VPS13D: variants seen among roughly 807,000 people sequenced by gnomAD.
VPS13D encodes intermembrane lipid transfer protein VPS13D.
VPS13D carries 187 observed loss-of-function variants against 461.9 expected under a neutral mutation model. That is an observed-to-expected ratio of 0.40 (90% CI 0.36 to 0.46). The LOEUF (loss-of-function observed/expected upper bound fraction) is 0.46, where lower values mean the gene tolerates loss of function less well. VPS13D is among the 20% of genes least tolerant of loss of function. The pLI, the probability that VPS13D is intolerant of heterozygous loss-of-function variation, is 0.60. For missense variants in VPS13D, 4,711 were observed against 5,364.9 expected, an observed-to-expected ratio of 0.88 and a Z score of 3.81; for synonymous variants, 1,951 against 1,986.3, an observed-to-expected ratio of 0.98 and a Z score of 0.47.
chr1:12,288,137 A>G (rs544890663), intron 21 of VPS13D, 86 bp from the exon 22 acceptor site: 1 of 1,178,308 alleles, frequency 8.5e-7, no homozygotes, highest in East Asian at 2.4e-5. Context: ...GCCTTTTTGC[A>G]TTTTCCTTGA....
At chr1:12,300,729 T>C (rs1176929922) in intron 25 of VPS13D, among the ~76,000 whole-genome samples, 1 of 152,178 alleles carries the variant, frequency 6.6e-6, no homozygotes, top group Admixed American at 6.5e-5. Context: ...TGGAAACACC[T>C]AGTAATTCAC....
chr1:12,290,554 C>T (rs990778458), intron 22 of VPS13D, among the ~76,000 whole-genome samples: 1 of 152,016 alleles, frequency 6.6e-6, no homozygotes. Context: ...AACCCCGTCT[C>T]TACTAAAAAT....
chr1:12,301,350 A>ACTAG (rs1285502621), intron 25 of VPS13D, among the ~76,000 whole-genome samples: 1 of 152,226 alleles, frequency 6.6e-6, no homozygotes, highest in Non-Finnish European at 1.5e-5. Flanking sequence ...TGTCTGACAG[A>ACTAG]CTAGCTATAA....
At position 12,261,227 on chromosome 1, in the gene VPS13D, A is replaced by AT; in HGVS notation, c.1414+81dup. On this transcript the variant is annotated intron_variant, in intron 12 of 69. Transcript: ENST00000620676. ...TGCAACAGCTTGTGGTATTTTTCAA[A>AT]TTTAACAAAAGTAGATATTTGGAGA... The AT allele has an allele frequency of 1.9e-6, 3 of 1,544,196 alleles. No individual in the cohort carries two copies. The African/African-American group carries it at 4.1e-5, about 21-fold the overall frequency.
In VPS13D at chr1:12,382,906, A is replaced by G. The variant is rs1476038704; in HGVS notation, c.11191-70A>G. The G allele has an allele frequency of 4.9e-6, 7 of 1,417,526 alleles. No individual in the cohort carries two copies. In the Admixed American group the frequency reaches 6.4e-5, roughly 13 times the overall value. The allele number at this position is 1,417,526 out of a possible 1,614,324, so 87.8% of individuals were successfully genotyped here. A position where few individuals can be genotyped will look rare whatever the true frequency, so the allele number is the denominator to read the frequency against. On this transcript the variant is annotated intron_variant, in intron 57 of 69. Transcript: ENST00000620676. ...ATGTAAATTTAGGAACTTGTTTGAA[A>G]TGATGTGTTAACTTGTCAAAGTCAG... is the stretch of plus-strand genomic sequence containing the variant.
At chr1:12,460,463 A>T (rs981458378) in intron 67 of VPS13D, 67 bp downstream of exon 67, 29 of 1,394,794 alleles carry the variant, frequency 2.1e-5, no homozygotes, top group Non-Finnish European at 1.9e-5. Context: ...CCTAATCCAT[A>T]CTGATGTGTT....
At chr1:12,490,229 A>T (rs1645858127) in intron 67 of VPS13D, among the ~76,000 whole-genome samples, 1 of 152,154 alleles carries the variant, frequency 6.6e-6, no homozygotes, top group South Asian at 2.1e-4. Flanking sequence ...TTGGATCCTT[A>T]GTCAGTAATT....
chr1:12,238,527 T>C (rs1259234885), intron 2 of VPS13D, among the ~76,000 whole-genome samples: 1 of 151,824 alleles, frequency 6.6e-6, no homozygotes, highest in Non-Finnish European at 1.5e-5. Context: ...ACCTCAAAAA[T>C]TGAGAAACTA....
At chr1:12,379,657 T>G in intron 57 of VPS13D, 61 bp downstream of exon 57, 1 of 1,262,744 alleles carries the variant, frequency 7.9e-7, no homozygotes, top group East Asian at 2.4e-5. Context: ...TGAAACAAAG[T>G]CTCTACTAAG....
chr1:12,356,645 G>A (rs1387415276), intron 49 of VPS13D, 121 bp downstream of exon 49: 1 of 1,335,228 alleles, frequency 7.5e-7, no homozygotes, highest in Non-Finnish European at 1.0e-6. Flanking sequence ...TGACTTGGCA[G>A]GGGAATAGAA....
chr1:12,497,515 G>A lies in VPS13D; in HGVS notation c.12678G>A (p.Arg4226=), dbSNP rs570522606. The part of the protein sequence containing the change: ...TLSGPRTQAQ[R]VRKPRCCTGP... ...ACCCATCTAGGACTCAAGCACAGAG[G>A]GTTCGGAAACCGCGTTGCTGCACGG... The change falls in exon 68 of 70, where the codon AGG becomes AGA. Residue 4226 remains arginine, a synonymous_variant. Transcript: ENST00000620676. 6.2e-6 allele frequency: 10 copies of A among 1,613,928 alleles called. No homozygotes were observed. The South Asian group carries it at 9.9e-5, about 16-fold the overall frequency.
rs1178247786 is a variant in VPS13D, at chr1:12,495,675, C to T, written c.12663-1825C>T. ...GTTGATTGGGGAAGATATGTTGAGA[C>T]GAGTCTGAATCAAACCTTACGTTGA... On this transcript the variant is annotated intron_variant, in intron 67 of 69. Transcript: ENST00000620676. The surrounding 1 kb of genome is among the most constrained non-coding windows in gnomAD (Gnocchi z 4.0). Among the ~76,000 whole-genome samples the T allele has an allele frequency of 1.1e-4, 16 of 152,094 alleles. No individual in the cohort carries two copies. The highest frequency in any genetic ancestry group is 6.5e-5 in the Admixed American group (1 of 15,282).
chr1:12,310,170 A>T (rs529839899), intron 27 of VPS13D, among the ~76,000 whole-genome samples: 2 of 152,288 alleles, frequency 1.3e-5, no homozygotes, highest in East Asian at 3.9e-4. Context: ...TGTGCAGATA[A>T]TTGTATTCTG....
At chr1:12,331,543 T>TA (rs560446339) in intron 37 of VPS13D, among the ~76,000 whole-genome samples, 47 of 146,342 alleles carry the variant, frequency 3.2e-4, no homozygotes, top group African/African-American at 9.2e-4. Context: ...CCATCTCTAC[T>TA]AAAAAAAAAA....
At chr1:12,459,065 G>T (rs1645368640) in intron 66 of VPS13D, among the ~76,000 whole-genome samples, 1 of 152,162 alleles carries the variant, frequency 6.6e-6, no homozygotes, top group African/African-American at 2.4e-5. Context: ...ATCCAGTGGG[G>T]TTGGCCAGTC....
At chr1:12,301,303 C>G (rs772896600) in intron 25 of VPS13D, among the ~76,000 whole-genome samples, 24 of 152,184 alleles carry the variant, frequency 1.6e-4, no homozygotes, top group Admixed American at 1.3e-4. Context: ...AGACTGCTCC[C>G]CACTCAGACA....
intron 2 of VPS13D, among the ~76,000 whole-genome samples, chr1:12,238,733 T>C (rs1029650036): frequency 2.0e-5 from 3 of 151,606 alleles, no homozygotes; most frequent in African/African-American, 7.3e-5. Flanking sequence ...TTGGCGATCC[T>C]GAAGCGATCC....
chr1:12,508,528 A>AC lies in VPS13D; in HGVS notation c.13036-361dup, dbSNP rs368492553. 4.8e-3 allele frequency among the ~76,000 whole-genome samples: 705 copies of AC among 145,378 alleles called. 6 individuals are homozygous for AC. The highest frequency in any genetic ancestry group is 0.016 in the African/African-American group (637 of 39,144). Reference sequence around the variant, plus strand: ...AGACCATCCTGGCTAACACGGTGAAACCCCATCTCTACTTAAAAAAAAAAA... The same window carrying AC: ...AGACCATCCTGGCTAACACGGTGAAACCCCCATCTCTACTTAAAAAAAAAAA... On this transcript the variant is annotated intron_variant, in intron 69 of 69. Coordinates refer to ENST00000620676, the MANE Select transcript of VPS13D (RefSeq NM_015378.4).
In VPS13D at chr1:12,279,253, G is replaced by A. The variant is rs1203454165; in HGVS notation, c.4451-246G>A. Among the ~76,000 whole-genome samples, 1 of 152,170 alleles carries A rather than the reference G, an allele frequency of 6.6e-6. No homozygotes were observed. Among genetic ancestry groups the A allele is most frequent in the Non-Finnish European group, 1.5e-5 (1 of 68,038 alleles). ...TCGTGCTTTGAAGCTACCAAGTGGA[G>A]CATGTGATGAAAATATTGTTTCTTT... On this transcript the variant is annotated intron_variant, in intron 19 of 69. Coordinates refer to ENST00000620676, the MANE Select transcript of VPS13D (RefSeq NM_015378.4). This position sits in a 1 kb window ranked among gnomAD's most constrained non-coding sequence, Gnocchi z 4.3.
Sources: allele counts gnomAD v4.1 joint callset (sites outside exome capture counted in the v4.1 genomes callset), GRCh38; gene constraint gnomAD v4.1.1; non-coding constraint Gnocchi (gnomAD v3.1); transcripts MANE v1.5; gene names NCBI Gene and HGNC (gene_info 2026-07-23, HGNC 2026-07-21).